NUAK1: variants seen among roughly 807,000 people sequenced by gnomAD.
The protein encoded by NUAK1 is NUAK family SNF1-like kinase 1.
In NUAK1, 26 loss-of-function variants were observed where a neutral mutation model predicts 56.9. That is an observed-to-expected ratio of 0.46 (90% CI 0.33 to 0.63). NUAK1 has a LOEUF of 0.63. Ranked by LOEUF, NUAK1 falls within the 30% of genes least tolerant of loss-of-function variation. The pLI, the probability that NUAK1 is intolerant of heterozygous loss-of-function variation, is 0.02. For synonymous variants in NUAK1, 337 were observed against 336.0 expected (o/e 1.00, Z -0.03); for missense variants, 727 against 876.1 (o/e 0.83, Z 2.15).
intron 2 of NUAK1, among the ~76,000 whole-genome samples, chr12:106,096,230 G>T (rs1245010595): frequency 6.6e-6 from 1 of 152,036 alleles, no homozygotes; most frequent in East Asian, 1.9e-4. Context: ...TTGAATTCCA[G>T]GAAACCCAGG....
chr12:106,138,488 C>G lies in NUAK1; in HGVS notation c.166G>C (p.Glu56Gln). The change falls in exon 1 of 7, where the codon GAG becomes CAG. Residue 56 changes from glutamate to glutamine, a missense_variant. Glu to Gln is a conservative substitution (Grantham distance 29). Coordinates refer to ENST00000261402, the MANE Select transcript of NUAK1 (RefSeq NM_014840.3). This position sits in a 1 kb window ranked among gnomAD's most constrained non-coding sequence, Gnocchi z 5.0. ...HHKHNLKHRY[E>Q]LQETLGKGTY... ...CCTTTGCCCAGGGTCTCCTGCAGCT[C>G]GTAGCGGTGCTTCAAGTTGTGCTTG... 1.2e-6 allele frequency: 2 copies of G among 1,613,606 alleles called. No homozygotes were observed. Among genetic ancestry groups the G allele is most frequent in the Non-Finnish European group, 1.7e-6 (2 of 1,179,856 alleles).
At chr12:106,093,939 C>T (rs1206455482) in intron 2 of NUAK1, among the ~76,000 whole-genome samples, 2 of 152,098 alleles carry the variant, frequency 1.3e-5, no homozygotes, top group African/African-American at 2.4e-5. Context: ...GCTGGGACTA[C>T]AGGCACGTGC....
chr12:106,073,361 A>G (rs1373872206), intron 4 of NUAK1, among the ~76,000 whole-genome samples: 1 of 152,070 alleles, frequency 6.6e-6, no homozygotes, highest in Non-Finnish European at 1.5e-5. Flanking sequence ...TCAGAACTGT[A>G]TTTTGCCTGT....
At chr12:106,119,708 A>G (rs932790136) in intron 1 of NUAK1, among the ~76,000 whole-genome samples, 1 of 152,182 alleles carries the variant, frequency 6.6e-6, no homozygotes, top group Non-Finnish European at 1.5e-5. Context: ...GAAGAATTTT[A>G]TTTTTTAAAA....
In NUAK1 at chr12:106,070,770, G is replaced by A. The variant is rs372757683; in HGVS notation, c.832+4C>T. 3.2e-5 allele frequency: 52 copies of A among 1,613,974 alleles called. 1 individual carries two copies. The Middle Eastern group carries it at 8.2e-4, about 26-fold the overall frequency. On this transcript the variant is annotated splice_donor_region_variant and intron_variant, in intron 6 of 6. Coordinates refer to ENST00000261402, the MANE Select transcript of NUAK1 (RefSeq NM_014840.3). Reference sequence around the variant, plus strand: ...CTCTGACCCTCCCTCCACAGGGCACGCACCTGAGGGCTGTGTTGGCTCCCG... The same window carrying A: ...CTCTGACCCTCCCTCCACAGGGCACACACCTGAGGGCTGTGTTGGCTCCCG...
intron 1 of NUAK1, among the ~76,000 whole-genome samples, chr12:106,122,961 T>A (rs1337062943): frequency 6.6e-6 from 1 of 152,222 alleles, no homozygotes; most frequent in East Asian, 1.9e-4. Flanking sequence ...GAGCCTCGCA[T>A]AACGCCCAAC....
At chr12:106,112,582 C>T (rs2032872685) in intron 1 of NUAK1, among the ~76,000 whole-genome samples, 3 of 152,302 alleles carry the variant, frequency 2.0e-5, no homozygotes, top group Middle Eastern at 3.4e-3. Context: ...TATGGAGGGG[C>T]CTGGCCAACT....
At chr12:106,091,628 T>A (rs1385476858) in intron 2 of NUAK1, among the ~76,000 whole-genome samples, 3 of 152,112 alleles carry the variant, frequency 2.0e-5, no homozygotes, top group Non-Finnish European at 4.4e-5. Flanking sequence ...CACAAGGAGC[T>A]GCAGGTGAGT....
At chr12:106,101,936 G>A (rs1426692803) in intron 2 of NUAK1, among the ~76,000 whole-genome samples, 2 of 152,176 alleles carry the variant, frequency 1.3e-5, no homozygotes, top group African/African-American at 4.8e-5. Flanking sequence ...TGGGACTGTG[G>A]TTCCCAGTGA....
chr12:106,136,595 TAGTGCCC>T (rs2033131870), intron 1 of NUAK1, among the ~76,000 whole-genome samples: 1 of 152,140 alleles, frequency 6.6e-6, no homozygotes, highest in Admixed American at 6.6e-5. Flanking sequence ...AGGTCTGAGG[TAGTGCCC>T]CAGCATTTAG....
At chr12:106,114,345 G>A (rs1218283660) in intron 1 of NUAK1, among the ~76,000 whole-genome samples, 1 of 152,210 alleles carries the variant, frequency 6.6e-6, no homozygotes, top group Non-Finnish European at 1.5e-5. Context: ...CAGCCAAGGC[G>A]ACTCCTATAA....
chr12:106,108,596 C>G (rs1301295377), intron 1 of NUAK1, among the ~76,000 whole-genome samples: 1 of 152,206 alleles, frequency 6.6e-6, no homozygotes, highest in Admixed American at 6.5e-5. Context: ...AGGAAGCAGA[C>G]AGTGAACACA....
Position 106,067,230 on chromosome 12 carries a change from G to C in NUAK1, c.1558C>G (p.Arg520Gly). The C allele has an allele frequency of 6.2e-7, 1 of 1,614,002 alleles. No homozygotes were observed. The change falls in exon 7 of 7, where the codon CGG (arginine) becomes GGG (glycine). Residue 520 changes from arginine to glycine, a missense_variant. Coordinates refer to ENST00000261402, the MANE Select transcript of NUAK1 (RefSeq NM_014840.3). This position sits in a 1 kb window ranked among gnomAD's most constrained non-coding sequence, Gnocchi z 6.0. ...ARVTSHSLSC[R>G]RKGILKHSSK... ...CTGTGTTTCAAGATGCCCTTCCTCC[G>C]GCAGGAGAGGCTGTGGGAGGTTACC...
Position 106,066,631 on chromosome 12 carries a change from A to C in NUAK1, c.*171T>G. The C allele has an allele frequency of 3.0e-6, 2 of 661,952 alleles. No individual in the cohort carries two copies. The highest frequency in any genetic ancestry group is 5.3e-6 in the Non-Finnish European group (2 of 377,368). 41.0% of individuals were successfully genotyped at this position (661,952 alleles called of 1,614,324 possible). On this transcript the variant is annotated 3_prime_UTR_variant, in exon 7 of 7. Transcript: ENST00000261402. ...ATTGACAGAACTGGCAGAAGAGCCC[A>C]CCTCTCCCTTTTAGGTGTTGGCTCA...
intron 4 of NUAK1, among the ~76,000 whole-genome samples, chr12:106,075,650 T>C (rs2032456600): frequency 6.6e-6 from 1 of 152,232 alleles, no homozygotes; most frequent in South Asian, 2.1e-4. Flanking sequence ...AAGCAGAGTT[T>C]ATCCCAATGC....
At chr12:106,132,504 A>T (rs2033088539) in intron 1 of NUAK1, among the ~76,000 whole-genome samples, 1 of 152,048 alleles carries the variant, frequency 6.6e-6, no homozygotes. Context: ...TCCCAGGAGG[A>T]AGCAAGATCA....
chr12:106,064,626 G>A lies in NUAK1; in HGVS notation c.*2176C>T, dbSNP rs2032314054. Reference sequence around the variant, plus strand: ...AAAGGAAAAAACACATCAACCAGTAGGTAGGAGCTAGATCTAAGTCATACT... The same window carrying A: ...AAAGGAAAAAACACATCAACCAGTAAGTAGGAGCTAGATCTAAGTCATACT... On this transcript the variant is annotated 3_prime_UTR_variant, in exon 7 of 7. Transcript: ENST00000261402. 6.6e-6 allele frequency: 1 copy of A among 152,304 alleles called. No individual in the cohort carries two copies. The highest frequency in any genetic ancestry group is 2.4e-5 in the African/African-American group (1 of 41,452). The allele number at this position is 152,304 out of a possible 1,614,324, so 9.4% of individuals were successfully genotyped here.
Position 106,072,748 on chromosome 12 carries a change from A to G in NUAK1, c.675T>C (p.Asn225=), listed in dbSNP as rs762900049. 12 of 1,613,886 alleles carry G rather than the reference A, an allele frequency of 7.4e-6. No homozygotes were observed. The highest frequency in any genetic ancestry group is 2.2e-5 in the East Asian group (1 of 44,880). Residue 225 remains asparagine, a synonymous_variant, in exon 5 of 7, where the codon AAT becomes AAC. Coordinates refer to ENST00000261402, the MANE Select transcript of NUAK1 (RefSeq NM_014840.3). ...CCTCTGGCCCTCGGTAAGGTCTCCC[A>G]TTGACAATCTCAGGAGATGCATAGA... is the stretch of plus-strand genomic sequence containing the variant. ...SPLYASPEIV[N]GRPYRGPEVD... is the part of the protein sequence containing the mutation.
intron 1 of NUAK1, among the ~76,000 whole-genome samples, chr12:106,128,043 C>A (rs748700316): frequency 1.3e-5 from 2 of 152,044 alleles, no homozygotes; most frequent in African/African-American, 2.4e-5. Context: ...ACGAAGAAAC[C>A]GAGTCACAGT....
Sources: allele counts gnomAD v4.1 joint callset (sites outside exome capture counted in the v4.1 genomes callset), GRCh38; gene constraint gnomAD v4.1.1; non-coding constraint Gnocchi (gnomAD v3.1); transcripts MANE v1.5; gene names NCBI Gene and HGNC (gene_info 2026-07-23, HGNC 2026-07-21).